The following SOS2 variants were observed in gnomAD, a reference collection of about 807,000 sequenced individuals.
SOS2 encodes son of sevenless homolog 2.
Under a neutral mutation model 148.2 loss-of-function variants are expected in SOS2, and 65 were observed. The ratio of observed to expected loss-of-function variants is 0.44; its 90% CI spans 0.36 to 0.54. SOS2 has a LOEUF of 0.54. Ranked by LOEUF, SOS2 falls within the 20% of genes least tolerant of loss-of-function variation. The pLI is 0.00. For synonymous variants in SOS2, 539 were observed against 537.1 expected (o/e 1.00, Z -0.05); for missense variants, 1,341 against 1,590.2 (o/e 0.84, Z 2.67).
intron 21 of SOS2, among the ~76,000 whole-genome samples, chr14:50,127,180 G>A (rs1030561614): frequency 4.7e-5 from 6 of 128,930 alleles, no homozygotes; most frequent in Admixed American, 9.2e-5. Flanking sequence ...TCACTCTGTC[G>A]CCCCAGGCTG....
intron 1 of SOS2, among the ~76,000 whole-genome samples, chr14:50,208,417 TGAGAC>T (rs1886747365): frequency 1.3e-5 from 2 of 152,102 alleles, no homozygotes; most frequent in Non-Finnish European, 2.9e-5. Flanking sequence ...TTTGGGAGGC[TGAGAC>T]GGGGGGATCA....
rs775223134 is a variant in SOS2, at chr14:50,130,781, A to G, written c.3076-19T>C. On this transcript the variant is annotated intron_variant, in intron 19 of 22. Transcript: ENST00000216373. ...TCCTAGGCTGAGAAAAGCAAACATA[A>G]TTAATGTCACAAATTTGCATAGACA... 1 of 1,581,080 alleles carries G rather than the reference A, an allele frequency of 6.3e-7. No homozygotes were observed. The highest frequency in any genetic ancestry group is 2.2e-5 in the East Asian group (1 of 44,616).
At chr14:50,127,386 T>C (rs1259338216) in intron 21 of SOS2, among the ~76,000 whole-genome samples, 1 of 152,096 alleles carries the variant, frequency 6.6e-6, no homozygotes, top group African/African-American at 2.4e-5. Context: ...AGGTGATCTG[T>C]CTGCCTCGGT....
chr14:50,118,383 G>T lies in SOS2; in HGVS notation c.3960C>A (p.Tyr1320Ter), dbSNP rs766057658. Residue 1320 changes from tyrosine (Y) to a stop codon, truncating the protein, a stop_gained, in exon 23 of 23, where the codon TAC becomes TAA. Coordinates refer to ENST00000216373, the MANE Select transcript of SOS2 (RefSeq NM_006939.4). LOFTEE classifies it high-confidence loss of function. ...YKRELSHPPL[Y>*]RLPLLENAET... ...CTGCATTTTCTAGCAAAGGCAGTCTGTACAATGGGGGGTGCGAAAGCTCCC... is the reference window on the plus strand; with the variant it reads ...CTGCATTTTCTAGCAAAGGCAGTCTTTACAATGGGGGGTGCGAAAGCTCCC... 1 of 1,614,034 alleles carries T rather than the reference G, an allele frequency of 6.2e-7. No homozygotes were observed. The highest frequency in any genetic ancestry group is 1.3e-5 in the African/African-American group (1 of 74,918).
Position 50,163,606 on chromosome 14 carries a change from T to C in SOS2, c.1069-1997A>G, listed in dbSNP as rs552882168. Among the ~76,000 whole-genome samples the C allele has an allele frequency of 1.4e-4, 22 of 152,296 alleles. No individual in the cohort carries two copies. In the South Asian group the frequency reaches 3.9e-3, roughly 27 times the overall value. On this transcript the variant is annotated intron_variant, in intron 8 of 22. Coordinates refer to ENST00000216373, the MANE Select transcript of SOS2 (RefSeq NM_006939.4). ...GGATGGAAGCAAAGTCAAAATATCA[T>C]AGAAAGTTTGAAAAAAGATCTGTGC...
chr14:50,188,316 T>C (rs369022287), intron 5 of SOS2, among the ~76,000 whole-genome samples, 181 bp downstream of exon 5: 17 of 152,072 alleles, frequency 1.1e-4, no homozygotes, highest in East Asian at 5.8e-4. Flanking sequence ...GAGGCAGGAA[T>C]TGCTTGAACC....
At chr14:50,192,334 C>T (rs1886168497) in intron 4 of SOS2, among the ~76,000 whole-genome samples, 1 of 151,904 alleles carries the variant, frequency 6.6e-6, no homozygotes, top group African/African-American at 2.4e-5. Flanking sequence ...GTGGATGGAT[C>T]ACCTGAGGTC....
chr14:50,192,237 A>T (rs1384555823), intron 4 of SOS2, among the ~76,000 whole-genome samples: 3 of 151,320 alleles, frequency 2.0e-5, no homozygotes, highest in African/African-American at 7.3e-5. Context: ...GAGAAAATAT[A>T]TTCATACCCC....
intron 1 of SOS2, among the ~76,000 whole-genome samples, chr14:50,213,880 T>A: frequency 2.1e-5 from 3 of 143,870 alleles, no homozygotes; most frequent in African/African-American, 2.6e-5. Flanking sequence ...ACAGAGTGAG[T>A]CCCTGCCAAG....
intron 1 of SOS2, among the ~76,000 whole-genome samples, chr14:50,223,919 T>C (rs1887274443): frequency 6.6e-6 from 1 of 152,000 alleles, no homozygotes; most frequent in South Asian, 2.1e-4. Flanking sequence ...TTGGTAATTA[T>C]CAGATTTAGA....
intron 1 of SOS2, among the ~76,000 whole-genome samples, chr14:50,211,824 G>C (rs968528235): frequency 1.3e-5 from 2 of 152,062 alleles, no homozygotes; most frequent in African/African-American, 4.8e-5. Context: ...CAATGCTCTA[G>C]AGAAATGTTT....
intron 17 of SOS2, 45 bp from the exon 18 acceptor site, chr14:50,138,829 TTTG>T (rs1226032541): frequency 1.1e-5 from 8 of 705,588 alleles, no homozygotes; most frequent in Non-Finnish European, 1.8e-5. Context: ...TATTTTAAAT[TTTG>T]TTATTTAATC....
intron 7 of SOS2, among the ~76,000 whole-genome samples, chr14:50,179,460 T>C (rs1172206702): frequency 6.6e-6 from 1 of 151,640 alleles, no homozygotes; most frequent in African/African-American, 2.4e-5. Flanking sequence ...TCATGACTCA[T>C]TGCAGCCTTG....
intron 21 of SOS2, among the ~76,000 whole-genome samples, chr14:50,120,904 T>C (rs182684990): frequency 5.3e-5 from 8 of 152,182 alleles, no homozygotes; most frequent in African/African-American, 1.9e-4. Context: ...CACCCCCAGC[T>C]AATTTTTGTA....
At chr14:50,178,602 C>A (rs1391165438) in intron 7 of SOS2, among the ~76,000 whole-genome samples, 2 of 148,698 alleles carry the variant, frequency 1.3e-5, no homozygotes, top group Non-Finnish European at 3.0e-5. Context: ...CCTGCCTCTG[C>A]CTCTGTAGTA....
chr14:50,162,895 T>C (rs905928493), intron 8 of SOS2, among the ~76,000 whole-genome samples: 2 of 132,250 alleles, frequency 1.5e-5, no homozygotes, highest in Non-Finnish European at 3.3e-5. Flanking sequence ...TCCAATGTTT[T>C]GATTTTTTTT....
chr14:50,209,274 C>CGCGTGTGTGTGTGT (rs1415473469), intron 1 of SOS2, among the ~76,000 whole-genome samples: 7 of 118,276 alleles, frequency 5.9e-5, no homozygotes, highest in Non-Finnish European at 1.3e-4. Context: ...CCTTAAATGT[C>CGCGTGTGTGTGTGT]GTGTGTGTGT....
At chr14:50,174,828 T>C (rs530417760) in intron 7 of SOS2, among the ~76,000 whole-genome samples, 35 of 152,312 alleles carry the variant, frequency 2.3e-4, no homozygotes, top group Middle Eastern at 3.4e-3. Flanking sequence ...GGCTTCCATA[T>C]ACCCTAAAGG....
chr14:50,179,569 TG>T (rs1433053598), intron 7 of SOS2, among the ~76,000 whole-genome samples: 1 of 151,914 alleles, frequency 6.6e-6, no homozygotes, highest in Non-Finnish European at 1.5e-5. Context: ...CTCCCTATTT[TG>T]CCCAGGCTGG....
Sources: gnomAD v4.1 joint callset for allele counts (sites outside exome capture counted in the v4.1 genomes callset) on GRCh38, gnomAD v4.1.1 for gene constraint, MANE v1.5 for transcripts, NCBI Gene and HGNC (gene_info 2026-07-23, HGNC 2026-07-21) for gene names.